The following STX19 variants were observed in gnomAD, a reference collection of about 807,000 sequenced individuals.
STX19 encodes syntaxin-19.
In STX19, 26 loss-of-function variants were observed where a neutral mutation model predicts 24.3. The observed-to-expected ratio is 1.07, with a 90% CI of 0.78 to 1.48. STX19 has a LOEUF of 1.48. Among genes scored for constraint, STX19 ranks in the 40% most tolerant of loss-of-function variants. STX19 has a pLI of 0.00. For missense variants in STX19, 367 were observed against 331.9 expected, an observed-to-expected ratio of 1.11 and a Z score of -0.82; for synonymous variants, 116 against 106.9, an observed-to-expected ratio of 1.09 and a Z score of -0.52.
chr3:94,020,854 A>C (rs2106998072), intron 1 of STX19, among the ~76,000 whole-genome samples: 1 of 152,288 alleles, frequency 6.6e-6, no homozygotes, highest in Middle Eastern at 3.4e-3. Flanking sequence ...GATTTGCTAT[A>C]GTAAAGGTAA....
rs1169522513 is a variant in STX19 at position 94,014,893 on chromosome 3, G to A, written c.377C>T (p.Ser126Phe). The change falls in exon 2 of 2, where the codon TCT becomes TTT. Residue 126 changes from serine to phenylalanine, a missense_variant. Coordinates refer to ENST00000315099, the MANE Select transcript of STX19 (RefSeq NM_001001850.3). Reference sequence around the variant, plus strand: ...TTTAAGTATCCTTGTGACCACTGAAGATGGACCATTTTCAACCTCTGACTT... The same window carrying A: ...TTTAAGTATCCTTGTGACCACTGAAAATGGACCATTTTCAACCTCTGACTT... ...VKKSEVENGP[S>F]SVVTRILKSQ... 6.2e-7 allele frequency: 1 copy of A among 1,613,658 alleles called. No individual in the cohort carries two copies. The highest frequency in any genetic ancestry group is 1.3e-5 in the African/African-American group (1 of 74,932).
chr3:94,017,538 CT>C (rs1220605910), intron 1 of STX19, among the ~76,000 whole-genome samples: 1 of 151,996 alleles, frequency 6.6e-6, no homozygotes, highest in Non-Finnish European at 1.5e-5. Context: ...TTTTAAAGGA[CT>C]GGTATTTTGT....
chr3:94,014,700 T>C lies in STX19; in HGVS notation c.570A>G (p.Lys190=), dbSNP rs1379873186. The change falls in exon 2 of 2, where the codon AAA becomes AAG. Residue 190 remains lysine (K), a synonymous_variant. Coordinates refer to ENST00000315099, the MANE Select transcript of STX19 (RefSeq NM_001001850.3). ...GTAAGCTTTCATTAAAAACTTCCCA[T>C]TTTCCTTGATGAAGCATATCATTTA... ...EDVNDMLHQG[K]WEVFNESLLT... 3 of 1,612,980 alleles carry C rather than the reference T, an allele frequency of 1.9e-6. No individual in the cohort carries two copies. The highest frequency in any genetic ancestry group is 1.7e-6 in the Non-Finnish European group (2 of 1,179,808).
chr3:94,025,617 T>C (rs148650017), intron 1 of STX19, among the ~76,000 whole-genome samples: 6 of 152,332 alleles, frequency 3.9e-5, no homozygotes, highest in African/African-American at 1.2e-4. Flanking sequence ...TGGGGAGTTA[T>C]ACAAGAATGC....
intron 1 of STX19, among the ~76,000 whole-genome samples, chr3:94,026,150 G>T (rs1331026294): frequency 1.3e-5 from 2 of 151,990 alleles, no homozygotes; most frequent in Non-Finnish European, 2.9e-5. Context: ...CTCCAGAGTA[G>T]CTGGGACTAC....
At chr3:94,025,345 C>T (rs1177015058) in intron 1 of STX19, among the ~76,000 whole-genome samples, 10 of 152,034 alleles carry the variant, frequency 6.6e-5, no homozygotes, top group Admixed American at 6.6e-4. Context: ...CAGTGTTATA[C>T]ATCATGGCAA....
At chr3:94,019,319 C>G (rs1201849713) in intron 1 of STX19, among the ~76,000 whole-genome samples, 1 of 152,100 alleles carries the variant, frequency 6.6e-6, no homozygotes, top group Non-Finnish European at 1.5e-5. Flanking sequence ...GCCTCAGCCT[C>G]CCGAGTAGCT....
At chr3:94,025,264 TC>T (rs2076531498) in intron 1 of STX19, among the ~76,000 whole-genome samples, 1 of 151,488 alleles carries the variant, frequency 6.6e-6, no homozygotes, top group Non-Finnish European at 1.5e-5. Flanking sequence ...AAACAAAATA[TC>T]CTTTTTTTAA....
chr3:94,016,754 C>G (rs1310944744), intron 1 of STX19, among the ~76,000 whole-genome samples: 3 of 151,104 alleles, frequency 2.0e-5, no homozygotes, highest in East Asian at 2.0e-4. Flanking sequence ...TTAAGTGATT[C>G]TCCTGCCTCA....
At chr3:94,021,950 T>TCTA (rs1267220335) in intron 1 of STX19, among the ~76,000 whole-genome samples, 2 of 152,076 alleles carry the variant, frequency 1.3e-5, no homozygotes, top group Admixed American at 6.6e-5. Flanking sequence ...TGTCAAGGCT[T>TCTA]CTAAAGATAT....
chr3:94,023,657 AG>A (rs1463145427), intron 1 of STX19, among the ~76,000 whole-genome samples: 2 of 152,156 alleles, frequency 1.3e-5, no homozygotes, highest in African/African-American at 4.8e-5. Flanking sequence ...CACAACTAAA[AG>A]GTGGCAGATC....
intron 1 of STX19, among the ~76,000 whole-genome samples, chr3:94,022,056 A>T (rs2076460702): frequency 6.6e-6 from 1 of 152,076 alleles, no homozygotes; most frequent in Non-Finnish European, 1.5e-5. Flanking sequence ...CCTTAGCTAT[A>T]TGTTGCATCT....
chr3:94,022,687 A>G (rs2076473320), intron 1 of STX19, among the ~76,000 whole-genome samples: 1 of 152,154 alleles, frequency 6.6e-6, no homozygotes. Context: ...GGATAGAGAT[A>G]GAAAATGAAT....
chr3:94,019,572 A>G (rs149918093), intron 1 of STX19, among the ~76,000 whole-genome samples: 1 of 143,330 alleles, frequency 7.0e-6, no homozygotes, highest in East Asian at 2.3e-4. Context: ...TGCACCAACT[A>G]CCCCCCATCC....
At chr3:94,018,597 AT>A (rs983846223) in intron 1 of STX19, among the ~76,000 whole-genome samples, 6 of 152,024 alleles carry the variant, frequency 3.9e-5, no homozygotes, top group Non-Finnish European at 8.8e-5. Context: ...GATGACCCAA[AT>A]TTGTATCTCC....
intron 1 of STX19, among the ~76,000 whole-genome samples, chr3:94,021,828 A>G (rs969232297): frequency 1.3e-5 from 2 of 152,202 alleles, no homozygotes; most frequent in Non-Finnish European, 2.9e-5. Context: ...AAAGTGTTGA[A>G]GATACCATGT....
rs538444482 is a variant in STX19, at chr3:94,024,743, G to A, written c.-14+3624C>T. On this transcript the variant is annotated intron_variant, in intron 1 of 1. Transcript: ENST00000315099. ...TGGGACTACAGTTGCATGCCACTGT[G>A]CTTGGCTGATTTTTTAAAATTTTTT... 1.1e-4 allele frequency among the ~76,000 whole-genome samples: 16 copies of A among 152,078 alleles called. 1 individual carries two copies. In the South Asian group the frequency reaches 2.9e-3, roughly 28 times the overall value.
chr3:94,026,656 A>T (rs867535760), intron 1 of STX19, among the ~76,000 whole-genome samples: 1 of 152,184 alleles, frequency 6.6e-6, no homozygotes, highest in Non-Finnish European at 1.5e-5. Context: ...TGAAGCTCAT[A>T]GTTGTGAAAT....
chr3:94,020,083 C>T (rs1187748806), intron 1 of STX19, among the ~76,000 whole-genome samples: 1 of 152,176 alleles, frequency 6.6e-6, no homozygotes, highest in Non-Finnish European at 1.5e-5. Context: ...TGTCTACTTT[C>T]TCCTCCCAGT....
Sources: allele counts gnomAD v4.1 joint callset (sites outside exome capture counted in the v4.1 genomes callset), GRCh38; gene constraint gnomAD v4.1.1; transcripts MANE v1.5; gene names NCBI Gene and HGNC (gene_info 2026-07-23, HGNC 2026-07-21).